SIAH3: variants seen among roughly 807,000 people sequenced by gnomAD.
SIAH3 encodes the protein siah E3 ubiquitin protein ligase family member 3, also known as seven in absentia homolog 3.
SIAH3 carries 9 observed loss-of-function variants against 12.6 expected under a neutral mutation model. That is an observed-to-expected ratio of 0.72 (90% CI 0.43 to 1.25). The LOEUF is 1.25. SIAH3 is among the 50% of genes most tolerant of loss of function. The pLI is 0.00. For missense variants in SIAH3, 390 were observed against 365.4 expected, an observed-to-expected ratio of 1.07 and a Z score of -0.55; for synonymous variants, 154 against 151.1, an observed-to-expected ratio of 1.02 and a Z score of -0.14.
chr13:45,845,664 T>C (rs1192687575), intron 1 of SIAH3, among the ~76,000 whole-genome samples: 1 of 152,152 alleles, frequency 6.6e-6, no homozygotes, highest in Non-Finnish European at 1.5e-5. Flanking sequence ...AAACACTCTG[T>C]TGTGTTTTGT....
intron 1 of SIAH3, among the ~76,000 whole-genome samples, chr13:45,830,341 G>A (rs1390547764): frequency 7.3e-6 from 1 of 137,794 alleles, no homozygotes; most frequent in Non-Finnish European, 1.5e-5. Context: ...ACTCTTGGGA[G>A]AAGGACAGAC....
chr13:45,793,801 A>T (rs1333509793), intron 1 of SIAH3, among the ~76,000 whole-genome samples: 1 of 152,256 alleles, frequency 6.6e-6, no homozygotes, highest in Non-Finnish European at 1.5e-5. Context: ...CCTAATCCCC[A>T]GAACCTGTGA....
At chr13:45,847,622 C>CATGTGT (rs1555260272) in intron 1 of SIAH3, among the ~76,000 whole-genome samples, 3 of 146,836 alleles carry the variant, frequency 2.0e-5, no homozygotes, top group African/African-American at 7.5e-5. Flanking sequence ...TCCATGTGTT[C>CATGTGT]GTGTGTGTGT....
intron 1 of SIAH3, among the ~76,000 whole-genome samples, chr13:45,827,505 CA>C (rs1209743703): frequency 2.0e-5 from 3 of 152,216 alleles, no homozygotes; most frequent in African/African-American, 7.2e-5. Flanking sequence ...TGGAACTCTA[CA>C]GACATGTCCA....
At chr13:45,821,273 T>C (rs1950654914) in intron 1 of SIAH3, among the ~76,000 whole-genome samples, 1 of 152,234 alleles carries the variant, frequency 6.6e-6, no homozygotes, top group Admixed American at 6.5e-5. Flanking sequence ...TGCCCGAGGC[T>C]GCCATTAGGC....
rs191327288 is a variant in SIAH3 at position 45,819,001 on chromosome 13, T to G, written c.135+32494A>C. ...TGTCCCTTAGGTGCTCACATTCTAA[T>G]GAAGAGATGGACAAGGAAACCCACC... On this transcript the variant is annotated intron_variant, in intron 1 of 1. Coordinates refer to ENST00000400405, the MANE Select transcript of SIAH3 (RefSeq NM_198849.3). Among the ~76,000 whole-genome samples, 62 of 152,290 alleles carry G rather than the reference T, an allele frequency of 4.1e-4. No homozygotes were observed. In the East Asian group the frequency reaches 0.011, roughly 28 times the overall value.
intron 1 of SIAH3, among the ~76,000 whole-genome samples, chr13:45,820,970 C>G (rs1183533453): frequency 6.6e-6 from 1 of 152,236 alleles, no homozygotes; most frequent in African/African-American, 2.4e-5. Context: ...GTTTCCTTCT[C>G]TGTGTTCCCC....
intron 1 of SIAH3, among the ~76,000 whole-genome samples, chr13:45,787,346 C>T (rs7335811): frequency 0.031 from 4,648 of 152,170 alleles, 226 homozygotes; most frequent in African/African-American, 0.1. Flanking sequence ...TACACGTACA[C>T]ACCACCCATC....
chr13:45,825,519 G>A (rs1950671383), intron 1 of SIAH3, among the ~76,000 whole-genome samples: 1 of 152,128 alleles, frequency 6.6e-6, no homozygotes, highest in African/African-American at 2.4e-5. Context: ...TCACCTTGGA[G>A]GGAGTGACAT....
intron 1 of SIAH3, among the ~76,000 whole-genome samples, chr13:45,813,506 TAGTC>T (rs1234578167): frequency 6.6e-6 from 1 of 152,232 alleles, no homozygotes; most frequent in Admixed American, 6.5e-5. Flanking sequence ...TCATCCATCT[TAGTC>T]AGTTTGGGCT....
At chr13:45,837,773 C>T (rs549622557) in intron 1 of SIAH3, among the ~76,000 whole-genome samples, 13 of 152,144 alleles carry the variant, frequency 8.5e-5, no homozygotes, top group African/African-American at 2.4e-4. Context: ...GCAAGGTAAA[C>T]GAAGCTCAAG....
At chr13:45,791,931 T>TGGAGA (rs1156903763) in intron 1 of SIAH3, among the ~76,000 whole-genome samples, 1 of 152,184 alleles carries the variant, frequency 6.6e-6, no homozygotes, top group Non-Finnish European at 1.5e-5. Flanking sequence ...ATCCATTTTC[T>TGGAGA]GTTAACAATC....
At chr13:45,808,780 A>C (rs9534221) in intron 1 of SIAH3, among the ~76,000 whole-genome samples, 49,556 of 152,052 alleles carry the variant, frequency 0.33, 8,986 homozygotes, top group Non-Finnish European at 0.41. Context: ...CACAGTAGGG[A>C]ATCTCCATCC....
At chr13:45,846,938 A>G (rs1014466987) in intron 1 of SIAH3, among the ~76,000 whole-genome samples, 5 of 152,236 alleles carry the variant, frequency 3.3e-5, no homozygotes, top group African/African-American at 4.8e-5. Context: ...GAATGCTCTG[A>G]GCCCACAGAG....
rs1281084604 is a variant in SIAH3 at position 45,778,063 on chromosome 13, T to C, written c.*5320A>G. 1 of 152,192 alleles carries C rather than the reference T, an allele frequency of 6.6e-6. No homozygotes were observed. Among genetic ancestry groups the C allele is most frequent in the Non-Finnish European group, 1.5e-5 (1 of 68,050 alleles). 9.4% of individuals were successfully genotyped at this position (152,192 alleles called of 1,614,324 possible). ...AAAGTGAGGTAGCCAAGTAGGAAAG[T>C]AAGGCCCGGGGCCCTGTTCTTCATG... On this transcript the variant is annotated 3_prime_UTR_variant, in exon 2 of 2. Transcript: ENST00000400405.
intron 1 of SIAH3, among the ~76,000 whole-genome samples, chr13:45,832,276 A>G (rs1034344359): frequency 6.6e-6 from 1 of 152,248 alleles, no homozygotes; most frequent in Non-Finnish European, 1.5e-5. Context: ...AATTTGTGTG[A>G]CCATCGCCAC....
intron 1 of SIAH3, among the ~76,000 whole-genome samples, chr13:45,798,271 CT>C (rs1276849620): frequency 6.6e-6 from 1 of 152,206 alleles, no homozygotes. Context: ...AAATATCATG[CT>C]TTTCAGCAGG....
intron 1 of SIAH3, among the ~76,000 whole-genome samples, chr13:45,794,390 G>A (rs1266222683): frequency 6.6e-6 from 1 of 152,158 alleles, no homozygotes; most frequent in Non-Finnish European, 1.5e-5. Context: ...TTAGTCCAGA[G>A]CAAGAAGGCA....
At chr13:45,797,989 C>G (rs1429663968) in intron 1 of SIAH3, among the ~76,000 whole-genome samples, 1 of 152,184 alleles carries the variant, frequency 6.6e-6, no homozygotes, top group Non-Finnish European at 1.5e-5. Flanking sequence ...GCAGTGTCCC[C>G]TTGCAGACAG....
Sources: allele counts gnomAD v4.1 joint callset (sites outside exome capture counted in the v4.1 genomes callset), GRCh38; gene constraint gnomAD v4.1.1; transcripts MANE v1.5; gene names NCBI Gene and HGNC (gene_info 2026-07-23, HGNC 2026-07-21).